Variants in PI4K2A observed in about 807,000 individuals in gnomAD.
PI4K2A encodes the protein phosphatidylinositol 4-kinase type 2 alpha, also known as phosphatidylinositol 4-kinase type 2-alpha.
PI4K2A carries 20 observed loss-of-function variants against 55.0 expected under a neutral mutation model. The observed-to-expected ratio is 0.36, with a 90% CI of 0.26 to 0.53. The LOEUF (loss-of-function observed/expected upper bound fraction) is 0.53. Ranked by LOEUF, PI4K2A falls within the 20% of genes least tolerant of loss-of-function variation. PI4K2A has a pLI of 0.91. For synonymous variants in PI4K2A, 235 were observed against 258.5 expected, an observed-to-expected ratio of 0.91 and a Z score of 0.87; for missense variants, 463 against 637.1, an observed-to-expected ratio of 0.73 and a Z score of 2.94.
chr10:97,640,767 TC>T lies in PI4K2A; in HGVS notation c.30del (p.Glu11SerfsTer203). On this transcript the variant is annotated frameshift_variant, in exon 1 of 9. Coordinates refer to ENST00000370631, the Ensembl canonical transcript of PI4K2A. LOFTEE classifies it high-confidence loss of function. ...GATGGACGAGACGAGCCCACTAGTG[TC>T]CCCCGAGCGGGCCCAACCCCCGGAC... 2.0e-6 allele frequency: 3 copies of T among 1,513,278 alleles called. No individual in the cohort carries two copies. Among genetic ancestry groups the T allele is most frequent in the Non-Finnish European group, 8.8e-7 (1 of 1,130,104 alleles). The allele number at this position is 1,513,278 out of a possible 1,614,324, so 93.7% of individuals were successfully genotyped here. A position where few individuals can be genotyped will look rare whatever the true frequency, so the allele number is the denominator to read the frequency against.
At position 97,656,134 on chromosome 10, in the gene PI4K2A, T is replaced by C. The variant is rs1417408555; in HGVS notation, c.637-151T>C. 3.1e-6 allele frequency: 2 copies of C among 639,654 alleles called. No homozygotes were observed. Among genetic ancestry groups the C allele is most frequent in the East Asian group, 2.7e-5 (1 of 37,086 alleles). 39.6% of individuals were successfully genotyped at this position (639,654 alleles called of 1,614,324 possible). On this transcript the variant is annotated intron_variant, in intron 2 of 8. Transcript: ENST00000370631. The surrounding 1 kb of genome is among the most constrained non-coding windows in gnomAD (Gnocchi z 4.5). ...TGGCCCAAACTAGTTATCTTCCCTC[T>C]CCTAGTTGCTGGGAAGGCTGAGAAA... is the stretch of plus-strand genomic sequence containing the variant.
Position 97,641,187 on chromosome 10 carries a change from G to A in PI4K2A, c.435+10G>A. On this transcript the variant is annotated intron_variant, in intron 1 of 8. Transcript: ENST00000370631. ...CAAGGACCCTCAGGGGGTGAGTGCG[G>A]GGGTGGGGACCGCCGCCGCGGGCTG... 2 of 1,593,396 alleles carry A rather than the reference G, an allele frequency of 1.3e-6. No individual in the cohort carries two copies. The highest frequency in any genetic ancestry group is 1.7e-6 in the Non-Finnish European group (2 of 1,174,074).
At chr10:97,667,881 G>T (rs1342561898) in intron 8 of PI4K2A, among the ~76,000 whole-genome samples, 1 of 152,162 alleles carries the variant, frequency 6.6e-6, no homozygotes, top group Non-Finnish European at 1.5e-5. Flanking sequence ...ATGAGATAAT[G>T]CTTATCAAGC....
At position 97,651,155 on chromosome 10, in the gene PI4K2A, C is replaced by T; in HGVS notation, c.636+14C>T. 6.2e-7 allele frequency: 1 copy of T among 1,605,170 alleles called. No individual in the cohort carries two copies. Among genetic ancestry groups the T allele is most frequent in the East Asian group, 2.2e-5 (1 of 44,856 alleles). ...CCCCGTACAAAGGTCAGTGACCCAT[C>T]TCCAGGAAGCCTTACTGCCTGGCCA... On this transcript the variant is annotated intron_variant, in intron 2 of 8. Coordinates refer to ENST00000370631, the Ensembl canonical transcript of PI4K2A.
intron 5 of PI4K2A, among the ~76,000 whole-genome samples, chr10:97,664,196 A>G (rs755095408): frequency 1.1e-4 from 16 of 152,328 alleles, no homozygotes; most frequent in African/African-American, 3.6e-4. Context: ...TGCACATTTA[A>G]TAAGGTATCT....
rs2041557413 is a variant in PI4K2A at position 97,656,873 on chromosome 10, T to C, written c.821T>C (p.Leu274Pro). The change falls in exon 4 of 9, where the codon CTG (leucine) becomes CCG (proline). Residue 274 changes from leucine to proline, a missense_variant. Around this residue, in one of 2 missense-constraint regions of PI4K2A, gnomAD observed 277 missense variants for 432.6 expected, o/e 0.64. Coordinates refer to ENST00000370631, the Ensembl canonical transcript of PI4K2A. The surrounding 1 kb of genome is among the most constrained non-coding windows in gnomAD (Gnocchi z 4.5). The stretch of plus-strand genomic sequence containing the variant: ...GGCTACAAAGATGCAGACTATTGGC[T>C]GCGGCGTTTTGAAGCAGAACCTCTT... 6.2e-7 allele frequency: 1 copy of C among 1,614,046 alleles called. No individual in the cohort carries two copies. Among genetic ancestry groups the C allele is most frequent in the Non-Finnish European group, 8.5e-7 (1 of 1,179,996 alleles).
chr10:97,642,917 C>T lies in PI4K2A; in HGVS notation c.435+1740C>T, dbSNP rs1369353128. ...CCTTCCTTCCTTCCTTCCTTCCTTC[C>T]TTCCTTCCTTTCTTTCCTTTCTTTC... On this transcript the variant is annotated intron_variant, in intron 1 of 8. Coordinates refer to ENST00000370631, the Ensembl canonical transcript of PI4K2A. Among the ~76,000 whole-genome samples, 53 of 123,914 alleles carry T rather than the reference C, an allele frequency of 4.3e-4. No homozygotes were observed. In the East Asian group the frequency reaches 4.6e-3, roughly 11 times the overall value. 81.3% of individuals were successfully genotyped at this position (123,914 alleles called of 152,430 possible).
At chr10:97,642,106 T>A (rs893512458) in intron 1 of PI4K2A, among the ~76,000 whole-genome samples, 8 of 152,196 alleles carry the variant, frequency 5.3e-5, no homozygotes, top group Non-Finnish European at 1.2e-4. Flanking sequence ...TATTGTTATT[T>A]AAATTATGGG....
chr10:97,650,863 C>T, intron 1 of PI4K2A, 78 bp from the exon 2 acceptor site: 3 of 1,064,674 alleles, frequency 2.8e-6, no homozygotes, highest in Middle Eastern at 2.3e-4. Flanking sequence ...CATTTCTTTC[C>T]AGATTCCTGC....
intron 6 of PI4K2A, among the ~76,000 whole-genome samples, chr10:97,665,412 T>C (rs1271407541): frequency 6.7e-6 from 1 of 149,052 alleles, no homozygotes; most frequent in East Asian, 2.0e-4. Flanking sequence ...GTAGCTGGGA[T>C]TACAGGCATG....
chr10:97,655,872 G>T (rs2041552015), intron 2 of PI4K2A, among the ~76,000 whole-genome samples: 1 of 152,128 alleles, frequency 6.6e-6, no homozygotes, highest in African/African-American at 2.4e-5. Flanking sequence ...ACCACGCCTG[G>T]CCAGGAGTGT....
At chr10:97,657,178 C>T (rs1240361625) in intron 4 of PI4K2A, among the ~76,000 whole-genome samples, 1 of 152,158 alleles carries the variant, frequency 6.6e-6, no homozygotes, top group East Asian at 1.9e-4. Flanking sequence ...TTAACTCTTC[C>T]AAAGCACTGT....
intron 2 of PI4K2A, among the ~76,000 whole-genome samples, chr10:97,652,404 T>C (rs2041533582): frequency 6.6e-6 from 1 of 151,860 alleles, no homozygotes; most frequent in Non-Finnish European, 1.5e-5. Context: ...CAAGCAGTCC[T>C]CCCACCTCAG....
rs528879560 is a variant in PI4K2A at position 97,646,162 on chromosome 10, A to G, written c.436-4779A>G. Among the ~76,000 whole-genome samples, 38 of 151,930 alleles carry G rather than the reference A, an allele frequency of 2.5e-4. No individual in the cohort carries two copies. The South Asian group carries it at 7.5e-3, about 30-fold the overall frequency. On this transcript the variant is annotated intron_variant, in intron 1 of 8. Transcript: ENST00000370631. ...GTGATATTGAAACAGATTGAATACT[A>G]AGATATGAGATATAGCCTTTACCCA...
At chr10:97,658,849 T>C (rs566982066) in intron 4 of PI4K2A, among the ~76,000 whole-genome samples, 20 of 152,360 alleles carry the variant, frequency 1.3e-4, no homozygotes, top group African/African-American at 4.1e-4. Context: ...CATCTTCTTA[T>C]GTGCTGATTG....
exon 9 of PI4K2A, chr10:97,675,892 G>C (rs369717446): frequency 6.6e-6 from 1 of 152,650 alleles, no homozygotes; most frequent in Non-Finnish European, 1.5e-5. Context: ...ATGGAACACC[G>C]TCCCTCTGCC....
intron 7 of PI4K2A, 137 bp from the exon 8 acceptor site, chr10:97,666,924 G>A: frequency 1.5e-6 from 1 of 680,572 alleles, no homozygotes; most frequent in East Asian, 2.5e-5. Flanking sequence ...GGGAGTTCTT[G>A]TGGGAGTAGT....
chr10:97,650,905 C>G lies in PI4K2A; in HGVS notation c.436-36C>G, dbSNP rs139961604. 5 of 1,539,900 alleles carry G rather than the reference C, an allele frequency of 3.2e-6. No individual in the cohort carries two copies. The East Asian group carries it at 9.0e-5, about 28-fold the overall frequency. On this transcript the variant is annotated intron_variant, in intron 1 of 8. Transcript: ENST00000370631. ...GGTCTGTGGGCTATTTTGGTCAACTCGGATTTAACATCCTCTTTTTCTTTG... is the reference window on the plus strand; with the variant it reads ...GGTCTGTGGGCTATTTTGGTCAACTGGGATTTAACATCCTCTTTTTCTTTG...
intron 1 of PI4K2A, among the ~76,000 whole-genome samples, chr10:97,643,726 G>A (rs757000456): frequency 7.9e-5 from 12 of 152,162 alleles, no homozygotes; most frequent in Admixed American, 5.9e-4. Context: ...CTTGCGGTGG[G>A]TTAGACTGGC....
Sources: gnomAD v4.1 joint callset for allele counts (sites outside exome capture counted in the v4.1 genomes callset) on GRCh38, gnomAD v4.1.1 for gene constraint, gnomAD v4.1.1 regional missense constraint, Gnocchi (gnomAD v3.1) non-coding constraint, MANE v1.5 for transcripts, NCBI Gene and HGNC (gene_info 2026-07-23, HGNC 2026-07-21) for gene names.